Variants in RBM6 observed in about 807,000 individuals in gnomAD.
The protein encoded by RBM6 is RNA binding motif protein 6, also known as RNA-binding protein 6.
Under a neutral mutation model 140.4 loss-of-function variants are expected in RBM6, and 23 were observed. The observed-to-expected ratio is 0.16, with a 90% CI of 0.12 to 0.23. The LOEUF is 0.23. Among genes scored for constraint, RBM6 ranks in the 10% least tolerant of loss-of-function variants. RBM6 has a pLI of 1.00. For synonymous variants in RBM6, 439 were observed against 475.6 expected, an observed-to-expected ratio of 0.92 and a Z score of 1.00; for missense variants, 1,139 against 1,386.7, an observed-to-expected ratio of 0.82 and a Z score of 2.84.
At chr3:49,975,942 T>A (rs2085044052) in intron 5 of RBM6, among the ~76,000 whole-genome samples, 1 of 152,200 alleles carries the variant, frequency 6.6e-6, no homozygotes, top group African/African-American at 2.4e-5. Flanking sequence ...GATTAAACTT[T>A]TCAGAATATC....
At chr3:50,047,785 A>G (rs997758831) in intron 6 of RBM6, among the ~76,000 whole-genome samples, 1 of 152,216 alleles carries the variant, frequency 6.6e-6, no homozygotes, top group Non-Finnish European at 1.5e-5. Flanking sequence ...ATTTTCAGGC[A>G]CTAAAGTTAT....
At chr3:49,955,773 G>A (rs1319917001) in intron 1 of RBM6, among the ~76,000 whole-genome samples, 1 of 151,728 alleles carries the variant, frequency 6.6e-6, no homozygotes, top group Non-Finnish European at 1.5e-5. Flanking sequence ...AACTTGAGAG[G>A]CGGTGGTTGC....
At chr3:50,043,146 C>T (rs1003223585) in intron 6 of RBM6, among the ~76,000 whole-genome samples, 2 of 152,158 alleles carry the variant, frequency 1.3e-5, no homozygotes, top group African/African-American at 4.8e-5. Context: ...TAATCTAACA[C>T]TGCTGAGAAA....
chr3:50,034,761 C>CA (rs1038216441), intron 6 of RBM6, among the ~76,000 whole-genome samples: 207 of 148,512 alleles, frequency 1.4e-3, no homozygotes, highest in Middle Eastern at 3.5e-3. Context: ...ACTCCGTCTC[C>CA]AAAAAAAAAG....
intron 1 of RBM6, among the ~76,000 whole-genome samples, chr3:49,952,011 A>G (rs904042316): frequency 2.1e-5 from 3 of 145,854 alleles, no homozygotes; most frequent in African/African-American, 5.1e-5. Flanking sequence ...GTGAGCCCCC[A>G]TGCCCTGCCT....
At chr3:50,039,817 T>C (rs2088773400) in intron 6 of RBM6, among the ~76,000 whole-genome samples, 1 of 152,202 alleles carries the variant, frequency 6.6e-6, no homozygotes, top group African/African-American at 2.4e-5. Context: ...TAGAGTCTTG[T>C]CTTCTCACAA....
chr3:50,015,491 C>T (rs534767717), intron 6 of RBM6, among the ~76,000 whole-genome samples: 34 of 149,996 alleles, frequency 2.3e-4, no homozygotes, highest in Non-Finnish European at 5.0e-4. Flanking sequence ...AGTGCAGTGG[C>T]GCGATCTCGG....
intron 6 of RBM6, among the ~76,000 whole-genome samples, chr3:50,018,864 C>T (rs1365038013): frequency 6.6e-6 from 1 of 152,030 alleles, no homozygotes; most frequent in Non-Finnish European, 1.5e-5. Flanking sequence ...GTTGGGATTA[C>T]AGGCGTAAGC....
At chr3:50,011,429 C>T (rs1283096211) in intron 6 of RBM6, among the ~76,000 whole-genome samples, 2 of 151,984 alleles carry the variant, frequency 1.3e-5, no homozygotes, top group East Asian at 3.8e-4. Flanking sequence ...TGAAGTAGAC[C>T]GAAAATGAAA....
At chr3:49,995,794 A>G (rs2086056388) in intron 5 of RBM6, among the ~76,000 whole-genome samples, 1 of 152,122 alleles carries the variant, frequency 6.6e-6, no homozygotes, top group African/African-American at 2.4e-5. Flanking sequence ...ATGATTCCAT[A>G]TGGTTCCTAG....
chr3:50,026,403 C>T (rs1198458981), intron 6 of RBM6, among the ~76,000 whole-genome samples: 1 of 131,950 alleles, frequency 7.6e-6, no homozygotes, highest in Non-Finnish European at 1.6e-5. Flanking sequence ...TTTTTGGAGA[C>T]AGAATTTCGC....
chr3:50,068,934 T>C (rs2090202287), intron 18 of RBM6, among the ~76,000 whole-genome samples, 170 bp downstream of exon 18: 1 of 152,230 alleles, frequency 6.6e-6, no homozygotes, highest in South Asian at 2.1e-4. Flanking sequence ...ATAGGTGCTT[T>C]TTATTATTTG....
At chr3:50,040,467 AAAAAATATATATATAT>A (rs2088831122) in intron 6 of RBM6, among the ~76,000 whole-genome samples, 4 of 33,574 alleles carry the variant, frequency 1.2e-4, no homozygotes. Context: ...AAAAAAAAAA[AAAAAATATATATATAT>A]ATATATATAT....
chr3:50,070,324 C>T (rs1305083514), intron 18 of RBM6, 131 bp from the exon 19 acceptor site: 2 of 676,570 alleles, frequency 3.0e-6, no homozygotes, highest in Non-Finnish European at 5.2e-6. Flanking sequence ...CAGTGTACTC[C>T]AGCCTGGGCA....
chr3:49,982,588 G>T (rs1355689082), intron 5 of RBM6, among the ~76,000 whole-genome samples: 2 of 151,232 alleles, frequency 1.3e-5, no homozygotes, highest in Non-Finnish European at 2.9e-5. Context: ...CTAATTTTTT[G>T]TATTTTTTTA....
intron 6 of RBM6, among the ~76,000 whole-genome samples, chr3:50,035,032 CCCTCCCCTCT>C (rs2088440104): frequency 7.0e-6 from 1 of 143,876 alleles, no homozygotes; most frequent in African/African-American, 2.6e-5. Flanking sequence ...CCCTCCCCTC[CCCTCCCCTCT>C]CCTCCCCTAC....
intron 6 of RBM6, among the ~76,000 whole-genome samples, chr3:50,043,487 C>CAAA (rs11434039): frequency 0.052 from 7,377 of 141,216 alleles, 254 homozygotes; most frequent in Non-Finnish European, 0.076. Flanking sequence ...GACCCTGTCT[C>CAAA]AAAAAAAAAA....
rs564558383 is a variant in RBM6, at chr3:50,025,743, T to G, written c.1558-22502T>G. 1.9e-4 allele frequency among the ~76,000 whole-genome samples: 29 copies of G among 151,484 alleles called. 1 individual carries two copies. In the East Asian group the frequency reaches 5.5e-3, roughly 29 times the overall value. ...CCCCACTGTTCAAGTTTTCATTGAT[T>G]GCTGCCTACATATAGTTGTTCAACA... On this transcript the variant is annotated intron_variant, in intron 6 of 20. Transcript: ENST00000266022.
At chr3:50,068,786 C>A in intron 18 of RBM6, 22 bp downstream of exon 18, 1 of 1,597,566 alleles carries the variant, frequency 6.3e-7, no homozygotes, top group Non-Finnish European at 8.6e-7. Context: ...TGACCTATTA[C>A]TCCCTTGACC....
Sources: gnomAD v4.1 joint callset for allele counts (sites outside exome capture counted in the v4.1 genomes callset) on GRCh38, gnomAD v4.1.1 for gene constraint, MANE v1.5 for transcripts, NCBI Gene and HGNC (gene_info 2026-07-23, HGNC 2026-07-21) for gene names.